Variants in TBC1D32 observed in about 807,000 individuals in gnomAD.
The protein encoded by TBC1D32 is protein broad-minded.
TBC1D32 carries 151 observed loss-of-function variants against 170.3 expected under a neutral mutation model. That is an observed-to-expected ratio of 0.89 (90% CI 0.78 to 1.01). TBC1D32 has a LOEUF of 1.01. Ranked by LOEUF, TBC1D32 falls within the 50% of genes least tolerant of loss-of-function variation. The pLI is 0.00. For missense variants in TBC1D32, 1,464 were observed against 1,457.1 expected, an observed-to-expected ratio of 1.00 and a Z score of -0.08; for synonymous variants, 498 against 488.0, an observed-to-expected ratio of 1.02 and a Z score of -0.27.
chr6:121,136,326 T>C (rs1178180183), intron 24 of TBC1D32, among the ~76,000 whole-genome samples: 2 of 152,206 alleles, frequency 1.3e-5, no homozygotes, highest in African/African-American at 2.4e-5. Context: ...ATGTATCCTA[T>C]GTAATTCTAT....
rs149328889 is a variant in TBC1D32, at chr6:121,254,111, G to A, written c.2018+1217C>T. On this transcript the variant is annotated intron_variant, in intron 17 of 31. Transcript: ENST00000398212. The stretch of plus-strand genomic sequence containing the variant: ...ACCAAGTTGGATGGAGCTGGAGGCC[G>A]ATTTTTCTAAGTTAAGTAACTCAGA... Among the ~76,000 whole-genome samples, 13 of 152,150 alleles carry A rather than the reference G, an allele frequency of 8.5e-5. No homozygotes were observed. In the East Asian group the frequency reaches 2.1e-3, roughly 25 times the overall value.
At chr6:121,120,985 T>C (rs1449827505) in intron 26 of TBC1D32, among the ~76,000 whole-genome samples, 1 of 152,048 alleles carries the variant, frequency 6.6e-6, no homozygotes, top group East Asian at 1.9e-4. Context: ...AATTGTTAGA[T>C]ATTTAGAATT....
At chr6:121,288,981 T>C (rs931357802) in intron 12 of TBC1D32, among the ~76,000 whole-genome samples, 11 of 152,234 alleles carry the variant, frequency 7.2e-5, no homozygotes, top group African/African-American at 2.4e-4. Flanking sequence ...TCTCAATAAA[T>C]TAGGTATTGA....
At chr6:121,192,053 A>ATATATATATAT (rs1158179800) in intron 22 of TBC1D32, among the ~76,000 whole-genome samples, 37 of 59,658 alleles carry the variant, frequency 6.2e-4, no homozygotes, top group Admixed American at 2.3e-3. Context: ...GTTAATACTT[A>ATATATATATAT]ATAAACTACC....
chr6:121,212,712 C>T (rs1382994734), intron 21 of TBC1D32, among the ~76,000 whole-genome samples: 2 of 152,036 alleles, frequency 1.3e-5, no homozygotes, highest in African/African-American at 4.8e-5. Flanking sequence ...CCACCTGCCT[C>T]GGGCCCCCAA....
chr6:121,177,847 A>T (rs1029595569), intron 22 of TBC1D32, among the ~76,000 whole-genome samples: 1 of 152,216 alleles, frequency 6.6e-6, no homozygotes, highest in Non-Finnish European at 1.5e-5. Context: ...TTCTGATCCC[A>T]AGCATTTCAG....
At chr6:121,114,242 G>A (rs952260756) in intron 27 of TBC1D32, among the ~76,000 whole-genome samples, 13 of 152,236 alleles carry the variant, frequency 8.5e-5, no homozygotes, top group Non-Finnish European at 1.5e-4. Flanking sequence ...AGAAAAATCC[G>A]TCTGTATTTG....
At chr6:121,127,074 T>C (rs1780936783) in intron 25 of TBC1D32, among the ~76,000 whole-genome samples, 1 of 152,118 alleles carries the variant, frequency 6.6e-6, no homozygotes, top group Non-Finnish European at 1.5e-5. Context: ...CCAGAGTTTG[T>C]TGTGGTTTTG....
chr6:121,271,131 T>C (rs933684456), intron 15 of TBC1D32, among the ~76,000 whole-genome samples: 1 of 152,072 alleles, frequency 6.6e-6, no homozygotes, highest in East Asian at 1.9e-4. Context: ...TAAGAGCTAT[T>C]TATGACAAAC....
In TBC1D32 at chr6:121,304,445, T is replaced by A; in HGVS notation, c.874-19A>T. On this transcript the variant is annotated intron_variant, in intron 7 of 31. Transcript: ENST00000398212. The stretch of plus-strand genomic sequence containing the variant: ...GACGAACCTACAAAGCAGTGCACAA[T>A]AGTTCTCAAAAAATTAGCATCCTCA... 2 of 1,609,732 alleles carry A rather than the reference T, an allele frequency of 1.2e-6. No homozygotes were observed. Among genetic ancestry groups the A allele is most frequent in the Non-Finnish European group, 1.7e-6 (2 of 1,178,602 alleles).
intron 22 of TBC1D32, among the ~76,000 whole-genome samples, chr6:121,179,497 T>C (rs1240213766): frequency 6.6e-6 from 1 of 151,744 alleles, no homozygotes; most frequent in Non-Finnish European, 1.5e-5. Flanking sequence ...TAATAGACGA[T>C]ATAATATTAC....
intron 22 of TBC1D32, among the ~76,000 whole-genome samples, chr6:121,172,844 T>C (rs769699702): frequency 6.6e-6 from 1 of 152,140 alleles, no homozygotes; most frequent in Non-Finnish European, 1.5e-5. Flanking sequence ...AGCATTTGGG[T>C]TGGGGATTGG....
intron 22 of TBC1D32, among the ~76,000 whole-genome samples, chr6:121,174,829 G>A (rs1583074502): frequency 6.6e-6 from 1 of 151,944 alleles, no homozygotes; most frequent in African/African-American, 2.4e-5. Context: ...CCACGAATTC[G>A]AGGCCAGCCT....
chr6:121,202,265 G>C (rs1791670257), intron 22 of TBC1D32, among the ~76,000 whole-genome samples: 2 of 125,974 alleles, frequency 1.6e-5, no homozygotes, highest in African/African-American at 5.8e-5. Context: ...ACATTCAGAG[G>C]TTGACTAGAG....
At chr6:121,293,655 T>C (rs999130736) in intron 11 of TBC1D32, among the ~76,000 whole-genome samples, 8 of 152,150 alleles carry the variant, frequency 5.3e-5, no homozygotes, top group Non-Finnish European at 1.5e-5. Flanking sequence ...CTCATGCCTG[T>C]AATCCCAGTG....
chr6:121,186,623 A>T (rs1789242690), intron 22 of TBC1D32, among the ~76,000 whole-genome samples: 1 of 152,098 alleles, frequency 6.6e-6, no homozygotes, highest in East Asian at 1.9e-4. Context: ...GTAAGCATTT[A>T]TATATTAAAA....
intron 17 of TBC1D32, among the ~76,000 whole-genome samples, chr6:121,250,286 A>C (rs1442535150): frequency 6.6e-6 from 1 of 152,156 alleles, no homozygotes; most frequent in African/African-American, 2.4e-5. Context: ...ACAATAAAAA[A>C]TGAAAATTTC....
intron 31 of TBC1D32, among the ~76,000 whole-genome samples, chr6:121,083,954 A>G (rs1380122539): frequency 6.6e-6 from 1 of 152,026 alleles, no homozygotes. Flanking sequence ...TTCTGGTCAC[A>G]GTGGTCTTCT....
intron 30 of TBC1D32, among the ~76,000 whole-genome samples, chr6:121,105,283 G>A (rs1456738330): frequency 6.6e-6 from 1 of 151,532 alleles, no homozygotes; most frequent in Non-Finnish European, 1.5e-5. Flanking sequence ...TGAAGAATAG[G>A]GACAGTCTTC....
Sources: gnomAD v4.1 joint callset for allele counts (sites outside exome capture counted in the v4.1 genomes callset) on GRCh38, gnomAD v4.1.1 for gene constraint, MANE v1.5 for transcripts, NCBI Gene and HGNC (gene_info 2026-07-23, HGNC 2026-07-21) for gene names.